The following SERPINA9 variants were observed in gnomAD, a reference collection of about 807,000 sequenced individuals.
SERPINA9 encodes serpin family A member 9.
SERPINA9 carries 32 observed loss-of-function variants against 24.5 expected under a neutral mutation model. That is an observed-to-expected ratio of 1.30 (90% CI 0.98 to 1.75). The LOEUF is 1.75. Ranked by LOEUF, SERPINA9 falls within the 40% of genes most tolerant of loss-of-function variation. The probability of loss-of-function intolerance (pLI) is 0.00; values close to 1 mark genes in which losing one functional copy is unlikely to be tolerated. For synonymous variants in SERPINA9, 233 were observed against 197.7 expected, an observed-to-expected ratio of 1.18 and a Z score of -1.50; for missense variants, 594 against 497.1, an observed-to-expected ratio of 1.19 and a Z score of -1.85.
chr14:94,467,241 A>G lies in SERPINA9; in HGVS notation c.770T>C (p.Phe257Ser), dbSNP rs1466990817. ...TCCCTTGTAATCCATCTGCAGCACA[A>G]AGCAGTTCAGCTCTGTATCCACCCC... Reference protein sequence around the residue: ...AFGVDTELNCFVLQMDYKGDA... With the variant: ...AFGVDTELNCSVLQMDYKGDA... The change falls in exon 3 of 5, where the codon TTT becomes TCT. Residue 257 changes from phenylalanine (F) to serine (S), a missense_variant. Phe to Ser is a radical substitution (Grantham distance 155). Coordinates refer to ENST00000674397, the MANE Select transcript of SERPINA9 (RefSeq NM_175739.4). The G allele has an allele frequency of 2.5e-6, 4 of 1,614,200 alleles. No individual in the cohort carries two copies. Among genetic ancestry groups the G allele is most frequent in the African/African-American group, 2.7e-5 (2 of 75,048 alleles).
At chr14:94,472,125 G>A (rs76472929) in intron 1 of SERPINA9, among the ~76,000 whole-genome samples, 3,114 of 151,976 alleles carry the variant, frequency 0.02, 105 homozygotes, top group African/African-American at 0.071. Context: ...ATGACATGTG[G>A]CCTTGAGAGT....
chr14:94,475,599 C>CT (rs1226410733), intron 1 of SERPINA9, among the ~76,000 whole-genome samples: 2 of 152,144 alleles, frequency 1.3e-5, no homozygotes, highest in Non-Finnish European at 2.9e-5. Context: ...CCTACACCTC[C>CT]ACTCCACCAA....
At position 94,466,420 on chromosome 14, in the gene SERPINA9, A is replaced by G. The variant is rs529391298; in HGVS notation, c.902+689T>C. Among the ~76,000 whole-genome samples, 3 of 152,280 alleles carry G rather than the reference A, an allele frequency of 2.0e-5. No homozygotes were observed. The South Asian group carries it at 6.2e-4, about 32-fold the overall frequency. ...CCAATCTCTTTCTTGAATTCCAGTT[A>G]CACTGCAGCCTTCCTTCTCTCTTCC... On this transcript the variant is annotated intron_variant, in intron 3 of 4. Coordinates refer to ENST00000674397, the MANE Select transcript of SERPINA9 (RefSeq NM_175739.4).
intron 3 of SERPINA9, among the ~76,000 whole-genome samples, chr14:94,465,626 C>G (rs778523258): frequency 4.6e-5 from 7 of 152,140 alleles, no homozygotes; most frequent in Non-Finnish European, 1.0e-4. Flanking sequence ...CCCGTGGGTT[C>G]AAGTGTTTCT....
chr14:94,470,082 A>G, intron 1 of SERPINA9: 2 of 804,346 alleles, frequency 2.5e-6, no homozygotes, highest in African/African-American at 1.8e-5. Flanking sequence ...AGTCTGTGCA[A>G]CTTACCCCAA....
chr14:94,475,432 A>C (rs2139828038), intron 1 of SERPINA9, among the ~76,000 whole-genome samples: 1 of 70,756 alleles, frequency 1.4e-5, no homozygotes, highest in Non-Finnish European at 3.2e-5. Flanking sequence ...ACACACACAC[A>C]CACATACACA....
intron 1 of SERPINA9, 190 bp from the exon 2 acceptor site, chr14:94,470,047 G>T: frequency 1.6e-6 from 1 of 638,602 alleles, no homozygotes; most frequent in Non-Finnish European, 2.4e-6. Context: ...TGTTTTACTT[G>T]CAAATGAGTA....
chr14:94,463,787 G>A (rs1250026769), intron 4 of SERPINA9, among the ~76,000 whole-genome samples: 1 of 152,160 alleles, frequency 6.6e-6, no homozygotes, highest in Non-Finnish European at 1.5e-5. Context: ...TTAACCTGGA[G>A]TTCCTGGATT....
At position 94,476,161 on chromosome 14, in the gene SERPINA9, C is replaced by T. The variant is rs1772811241; in HGVS notation, c.-43G>A. The T allele has an allele frequency of 6.2e-7, 1 of 1,614,052 alleles. No homozygotes were observed. Among genetic ancestry groups the T allele is most frequent in the African/African-American group, 1.3e-5 (1 of 74,920 alleles). On this transcript the variant is annotated 5_prime_UTR_variant, in exon 1 of 5. Transcript: ENST00000674397. ...CTTTGCAGGTTCCTCTTCTCCTGCC[C>T]TGTCCTTGCATGGTTGGTGAGCCCT...
At chr14:94,465,713 G>A (rs1898972092) in intron 3 of SERPINA9, among the ~76,000 whole-genome samples, 2 of 152,088 alleles carry the variant, frequency 1.3e-5, no homozygotes, top group Admixed American at 1.3e-4. Flanking sequence ...TATTTTAGTA[G>A]AGACAGGGTT....
At chr14:94,466,950 G>T (rs1018627944) in intron 3 of SERPINA9, among the ~76,000 whole-genome samples, 159 bp downstream of exon 3, 7 of 152,236 alleles carry the variant, frequency 4.6e-5, no homozygotes, top group Non-Finnish European at 1.5e-5. Context: ...AACTTCAAGT[G>T]TGAACATGTA....
intron 1 of SERPINA9, chr14:94,475,832 C>T: frequency 2.1e-6 from 1 of 474,772 alleles, no homozygotes; most frequent in South Asian, 4.2e-5. Context: ...TTCACCCTCT[C>T]ATTTGCTTCT....
intron 4 of SERPINA9, 40 bp downstream of exon 4, chr14:94,464,667 C>T (rs1898909433): frequency 6.5e-7 from 1 of 1,544,404 alleles, no homozygotes; most frequent in Non-Finnish European, 8.9e-7. Flanking sequence ...GCAGGTGCTT[C>T]CAGCTTGGAC....
chr14:94,474,780 C>T (rs1419459033), intron 1 of SERPINA9, among the ~76,000 whole-genome samples: 1 of 152,110 alleles, frequency 6.6e-6, no homozygotes, highest in Non-Finnish European at 1.5e-5. Context: ...CCTCTCCCTC[C>T]CAGCTACCAC....
Position 94,469,344 on chromosome 14 carries a change from G to A in SERPINA9, c.497C>T (p.Ser166Phe), listed in dbSNP as rs748943432. ...YEAEVFSTDF[S>F]NPSIAQARIN... ...CCTCGCCTGGGCAATGGAGGGGTTG[G>A]AGAAATCTGTAGAAAAGACTTCTGC... Residue 166 changes from serine to phenylalanine, a missense_variant, in exon 2 of 5, where the codon TCC (serine) becomes TTC (phenylalanine). By Grantham distance (155) the Ser-to-Phe change is radical. Coordinates refer to ENST00000674397, the MANE Select transcript of SERPINA9 (RefSeq NM_175739.4). 1.9e-6 allele frequency: 3 copies of A among 1,614,198 alleles called. No individual in the cohort carries two copies. The highest frequency in any genetic ancestry group is 2.5e-6 in the Non-Finnish European group (3 of 1,180,034).
chr14:94,476,117 G>A lies in SERPINA9; in HGVS notation c.-18+19C>T, dbSNP rs1354386783. Reference sequence around the variant, plus strand: ...GTGACACCACATTCCCGATCTCTCTGCACCTCCTCCTTACCCACCTTTGCA... The same window carrying A: ...GTGACACCACATTCCCGATCTCTCTACACCTCCTCCTTACCCACCTTTGCA... On this transcript the variant is annotated intron_variant, in intron 1 of 4. Coordinates refer to ENST00000674397, the MANE Select transcript of SERPINA9 (RefSeq NM_175739.4). 6.2e-7 allele frequency: 1 copy of A among 1,613,896 alleles called. No homozygotes were observed. The highest frequency in any genetic ancestry group is 8.5e-7 in the Non-Finnish European group (1 of 1,180,006).
chr14:94,475,203 A>G (rs1899528610), intron 1 of SERPINA9, among the ~76,000 whole-genome samples: 1 of 152,242 alleles, frequency 6.6e-6, no homozygotes, highest in African/African-American at 2.4e-5. Context: ...TTCCCTGCCA[A>G]GTGCTGCTGG....
In SERPINA9 at chr14:94,469,618, C is replaced by A. The variant is rs748977210; in HGVS notation, c.223G>T (p.Val75Phe). 6.2e-6 allele frequency: 10 copies of A among 1,614,076 alleles called. No individual in the cohort carries two copies. Among genetic ancestry groups the A allele is most frequent in the Non-Finnish European group, 7.6e-6 (9 of 1,180,020 alleles). ...SQNIFFSPVS[V>F]STSLAMLSLG... ...GAGAGCATGGCCAGGGAAGTGGAGA[C>A]ACTCACAGGGGAGAAGAAGATGTTC... The change falls in exon 2 of 5, where the codon GTC becomes TTC. Residue 75 changes from valine to phenylalanine, a missense_variant. By Grantham distance (50) the Val-to-Phe change is conservative. Transcript: ENST00000674397.
intron 4 of SERPINA9, chr14:94,464,495 G>A (rs1898898658): frequency 1.8e-6 from 1 of 564,872 alleles, no homozygotes; most frequent in Non-Finnish European, 3.1e-6. Flanking sequence ...TGCTGAGGAT[G>A]GCTTCGGAAC....
Sources: gnomAD v4.1 joint callset for allele counts (sites outside exome capture counted in the v4.1 genomes callset) on GRCh38, gnomAD v4.1.1 for gene constraint, MANE v1.5 for transcripts, NCBI Gene and HGNC (gene_info 2026-07-23, HGNC 2026-07-21) for gene names.